The following AMDHD1 variants were observed in gnomAD, a reference collection of about 807,000 sequenced individuals.
The protein encoded by AMDHD1 is amidohydrolase domain containing 1, also known as probable imidazolonepropionase.
A neutral mutation model predicts 44.1 loss-of-function variants in AMDHD1; 45 were observed. The observed-to-expected ratio is 1.02, with a 90% CI of 0.80 to 1.31. The LOEUF (loss-of-function observed/expected upper bound fraction) is 1.31, where lower values mean the gene tolerates loss of function less well. Ranked by LOEUF, AMDHD1 falls within the 50% of genes most tolerant of loss-of-function variation. The probability of loss-of-function intolerance (pLI) is 0.00; values close to 1 mark genes in which losing one functional copy is unlikely to be tolerated. For synonymous variants in AMDHD1, 206 were observed against 205.0 expected, an observed-to-expected ratio of 1.00 and a Z score of -0.04; for missense variants, 586 against 552.1, an observed-to-expected ratio of 1.06 and a Z score of -0.61.
At position 95,952,735 on chromosome 12, in the gene AMDHD1, T is replaced by C. The variant is rs143437421; in HGVS notation, c.156T>C (p.Ala52=). The change falls in exon 2 of 9, where the codon GCT becomes GCC. Residue 52 remains alanine (A), a synonymous_variant. Transcript: ENST00000266736. The part of the protein sequence containing the change: ...LVVGKDGFIK[A]IGPADVIQRQ... The stretch of plus-strand genomic sequence containing the variant: ...TCTTCAGAGATGGATTTATAAAAGC[T>C]ATTGGTCCTGCTGATGTTATTCAAA... 3.7e-6 allele frequency: 6 copies of C among 1,610,036 alleles called. No homozygotes were observed. The African/African-American group carries it at 5.3e-5, about 14-fold the overall frequency.
In AMDHD1 at chr12:95,952,870, T is replaced by G. The variant is rs2080531365; in HGVS notation, c.244+47T>G. On this transcript the variant is annotated intron_variant, in intron 2 of 8. Transcript: ENST00000266736. The stretch of plus-strand genomic sequence containing the variant: ...AAGGTCTACAAGTAGCTTTAACAGT[T>G]GCTCCTGAAATGTAAAGAGGAAGAG... 4 of 1,139,884 alleles carry G rather than the reference T, an allele frequency of 3.5e-6. No homozygotes were observed. In the African/African-American group the frequency reaches 6.1e-5, roughly 17 times the overall value. 70.6% of individuals were successfully genotyped at this position (1,139,884 alleles called of 1,614,324 possible). A position where few individuals can be genotyped will look rare whatever the true frequency, so the allele number is the denominator to read the frequency against.
intron 4 of AMDHD1, among the ~76,000 whole-genome samples, chr12:95,959,130 C>T (rs2080567220): frequency 2.6e-5 from 4 of 152,046 alleles, no homozygotes. Context: ...TCTCATAGTC[C>T]ACCTCTACCC....
rs1206284141 is a variant in AMDHD1 at position 95,960,571 on chromosome 12, G to C, written c.761G>C (p.Gly254Ala). 6.2e-7 allele frequency: 1 copy of C among 1,614,178 alleles called. No homozygotes were observed. The highest frequency in any genetic ancestry group is 1.3e-5 in the African/African-American group (1 of 75,044). Reference sequence around the variant, plus strand: ...ATTCTTCAACGTGGAAAAGATATAGGGTTACAGATTAACTTCCATGGGGAT... The same window carrying C: ...ATTCTTCAACGTGGAAAAGATATAGCGTTACAGATTAACTTCCATGGGGAT... ...RRILQRGKDI[G>A]LQINFHGDEL... The change falls in exon 5 of 9, where the codon GGG becomes GCG. Residue 254 changes from glycine to alanine, a missense_variant. Gly to Ala is a moderately conservative substitution (Grantham distance 60). Coordinates refer to ENST00000266736, the MANE Select transcript of AMDHD1 (RefSeq NM_152435.3).
rs182142532 is a variant in AMDHD1, at chr12:95,968,235, G to C, written c.*392G>C. On this transcript the variant is annotated 3_prime_UTR_variant, in exon 9 of 9. Transcript: ENST00000266736. The stretch of plus-strand genomic sequence containing the variant: ...TATATTTAGTGAACATTGAGGGATC[G>C]AAAGAAATCTAAGTGATACGCCCCA... 6.2e-6 allele frequency: 1 copy of C among 160,402 alleles called. No individual in the cohort carries two copies. Among genetic ancestry groups the C allele is most frequent in the Non-Finnish European group, 1.4e-5 (1 of 74,056 alleles). 9.9% of individuals were successfully genotyped at this position (160,402 alleles called of 1,614,324 possible). A position where few individuals can be genotyped will look rare whatever the true frequency, so the allele number is the denominator to read the frequency against.
chr12:95,954,328 GGGAGGCTGAGTCAGGCAGATCATT>G (rs2080539269), intron 2 of AMDHD1, among the ~76,000 whole-genome samples: 1 of 152,024 alleles, frequency 6.6e-6, no homozygotes, highest in African/African-American at 2.4e-5. Flanking sequence ...CCAGCACTTT[GGGAGGCTGAGTCAGGCAGATCATT>G]GGAGGCTGAG....
rs903420255 is a variant in AMDHD1 at position 95,943,528 on chromosome 12, G to T, written c.130G>T (p.Val44Leu). The change falls in exon 1 of 9, where the codon GTG (valine) becomes TTG (leucine). Residue 44 changes from valine (V) to leucine (L), a missense_variant. Coordinates refer to ENST00000266736, the MANE Select transcript of AMDHD1 (RefSeq NM_152435.3). ...LAVLEGASLV[V>L]GKDGFIKAIG... is the part of the protein sequence containing the mutation. ...GGTGCTGGAAGGCGCCAGCCTGGTG[G>T]TGGGCAAGTAAGTGGCCGGGCGCGC... The T allele has an allele frequency of 1.4e-5, 21 of 1,468,580 alleles. No individual in the cohort carries two copies. In the African/African-American group the frequency reaches 1.5e-4, roughly 10 times the overall value. The allele number at this position is 1,468,580 out of a possible 1,614,324, so 91.0% of individuals were successfully genotyped here.
At chr12:95,946,778 G>A (rs1310915281) in intron 1 of AMDHD1, among the ~76,000 whole-genome samples, 2 of 30,972 alleles carry the variant, frequency 6.5e-5, no homozygotes, top group Non-Finnish European at 1.1e-4. Context: ...GGCACGCGCC[G>A]CCACGCCTGA....
At chr12:95,945,905 AAG>A (rs2080493213) in intron 1 of AMDHD1, among the ~76,000 whole-genome samples, 1 of 152,160 alleles carries the variant, frequency 6.6e-6, no homozygotes, top group African/African-American at 2.4e-5. Context: ...AGTCCTGGAA[AAG>A]AATATGGTTT....
intron 2 of AMDHD1, 104 bp from the exon 3 acceptor site, chr12:95,954,807 C>A: frequency 9.8e-7 from 1 of 1,017,276 alleles, no homozygotes; most frequent in Non-Finnish European, 1.5e-6. Flanking sequence ...GGATGGCCAC[C>A]ATCACACTTT....
intron 2 of AMDHD1, among the ~76,000 whole-genome samples, chr12:95,954,201 T>G (rs963144828): frequency 3.3e-5 from 5 of 152,324 alleles, no homozygotes; most frequent in Middle Eastern, 3.4e-3. Context: ...ATTGTAGTAT[T>G]GTTTTCATAT....
At chr12:95,951,467 C>T (rs1324797519) in intron 1 of AMDHD1, among the ~76,000 whole-genome samples, 1 of 152,198 alleles carries the variant, frequency 6.6e-6, no homozygotes, top group South Asian at 2.1e-4. Context: ...GTATGTATTA[C>T]ATTTTCTTTA....
chr12:95,944,932 G>A (rs980360616), intron 1 of AMDHD1, among the ~76,000 whole-genome samples: 2 of 152,038 alleles, frequency 1.3e-5, no homozygotes, highest in South Asian at 2.1e-4. Flanking sequence ...TTGGGAGCTC[G>A]AGATCAGCCT....
At position 95,968,044 on chromosome 12, in the gene AMDHD1, C is replaced by T. The variant is rs2080621323; in HGVS notation, c.*201C>T. The T allele has an allele frequency of 5.4e-6, 2 of 369,392 alleles. No homozygotes were observed. The highest frequency in any genetic ancestry group is 4.2e-5 in the African/African-American group (2 of 47,110). 22.9% of individuals were successfully genotyped at this position (369,392 alleles called of 1,614,324 possible). Reference sequence around the variant, plus strand: ...GCATTTGACATATAAACAGGTAAACCTATTGTGATTAAAATCACAAAACAT... The same window carrying T: ...GCATTTGACATATAAACAGGTAAACTTATTGTGATTAAAATCACAAAACAT... On this transcript the variant is annotated 3_prime_UTR_variant, in exon 9 of 9. Coordinates refer to ENST00000266736, the MANE Select transcript of AMDHD1 (RefSeq NM_152435.3).
Position 95,962,349 on chromosome 12 carries a change from C to T in AMDHD1, c.814-6C>T. 1 of 1,611,810 alleles carries T rather than the reference C, an allele frequency of 6.2e-7. No homozygotes were observed. Among genetic ancestry groups the T allele is most frequent in the South Asian group, 1.1e-5 (1 of 90,864 alleles). On this transcript the variant is annotated splice_polypyrimidine_tract_variant and splice_region_variant and intron_variant, in intron 5 of 8. Transcript: ENST00000266736. ...AAATCTTTCCCTCTCTGCCCATTCT[C>T]CTTAGCTTGGGGCTGAACTGGGAGC...
At chr12:95,958,976 A>AC (rs2080566018) in intron 4 of AMDHD1, among the ~76,000 whole-genome samples, 1 of 151,818 alleles carries the variant, frequency 6.6e-6, no homozygotes, top group Non-Finnish European at 1.5e-5. Flanking sequence ...AATCACTTGA[A>AC]CCCGGGAGGT....
At chr12:95,947,504 A>C (rs1592820344) in intron 1 of AMDHD1, 2 of 68,864 alleles carry the variant, frequency 2.9e-5, no homozygotes, top group African/African-American at 1.6e-4. Flanking sequence ...ACCGGCAGCC[A>C]CCCCGTCCGG....
At chr12:95,955,889 G>C (rs111568920) in intron 3 of AMDHD1, among the ~76,000 whole-genome samples, 1 of 152,220 alleles carries the variant, frequency 6.6e-6, no homozygotes, top group African/African-American at 2.4e-5. Flanking sequence ...CTCCAAACTC[G>C]GATGGCCAAA....
Position 95,956,890 on chromosome 12 carries a change from T to G in AMDHD1, c.515T>G (p.Val172Gly). ...GAGACCGAGCTCAAGATGCTGCGCG[T>G]GATTGAGCGCGCCCGGCGGGAGCTG... The part of the protein sequence containing the change: ...DLETELKMLR[V>G]IERARRELDI... Residue 172 changes from valine to glycine, a missense_variant, in exon 4 of 9, where the codon GTG (valine) becomes GGG (glycine). Transcript: ENST00000266736. 6.2e-7 allele frequency: 1 copy of G among 1,613,854 alleles called. No individual in the cohort carries two copies. Among genetic ancestry groups the G allele is most frequent in the Non-Finnish European group, 8.5e-7 (1 of 1,180,036 alleles).
At chr12:95,964,307 C>G (rs558172872) in intron 6 of AMDHD1, among the ~76,000 whole-genome samples, 243 of 152,236 alleles carry the variant, frequency 1.6e-3, no homozygotes, top group Non-Finnish European at 2.8e-3. Flanking sequence ...CAGCAGGGCC[C>G]CCTGCTCTCC....
Sources: gnomAD v4.1 joint callset for allele counts (sites outside exome capture counted in the v4.1 genomes callset) on GRCh38, gnomAD v4.1.1 for gene constraint, MANE v1.5 for transcripts, NCBI Gene and HGNC (gene_info 2026-07-23, HGNC 2026-07-21) for gene names.